ZNF727: variants seen among roughly 807,000 people sequenced by gnomAD.
ZNF727 encodes putative zinc finger protein 727.
In ZNF727, 11 loss-of-function variants were observed where a neutral mutation model predicts 11.5. The observed-to-expected ratio is 0.95, with a 90% confidence interval of 0.60 to 1.58. The LOEUF (loss-of-function observed/expected upper bound fraction) is 1.58, where lower values mean the gene tolerates loss of function less well. Ranked by LOEUF, ZNF727 falls within the 40% of genes most tolerant of loss-of-function variation. ZNF727 has a pLI of 0.00. For missense variants in ZNF727, 533 were observed against 581.7 expected (o/e 0.92, Z 0.86); for synonymous variants, 171 against 196.1 (o/e 0.87, Z 1.07).
intron 1 of ZNF727, among the ~76,000 whole-genome samples, chr7:64,063,484 T>C (rs1262956341): frequency 6.6e-6 from 1 of 151,744 alleles, no homozygotes; most frequent in Non-Finnish European, 1.5e-5. Flanking sequence ...ATGGAATCTC[T>C]CTCTCTCTGC....
intron 1 of ZNF727, among the ~76,000 whole-genome samples, chr7:64,048,200 A>G (rs1212773560): frequency 6.6e-6 from 1 of 152,262 alleles, no homozygotes; most frequent in Non-Finnish European, 1.5e-5. Context: ...AAAAAAAACC[A>G]CAAATGTTTT....
At chr7:64,056,928 G>A (rs1789694273) in intron 1 of ZNF727, among the ~76,000 whole-genome samples, 1 of 151,898 alleles carries the variant, frequency 6.6e-6, no homozygotes, top group Non-Finnish European at 1.5e-5. Context: ...TGTTGTATGT[G>A]TTTGTATAAA....
intron 1 of ZNF727, among the ~76,000 whole-genome samples, chr7:64,068,060 A>G (rs554482930): frequency 3.9e-5 from 6 of 152,116 alleles, no homozygotes; most frequent in Non-Finnish European, 7.4e-5. Flanking sequence ...GTTAATGTTA[A>G]TCATAGCACA....
Position 64,080,082 on chromosome 7 carries a change from A to G in ZNF727, c.*1533A>G, listed in dbSNP as rs1346988815. On this transcript the variant is annotated 3_prime_UTR_variant, in exon 4 of 4. Transcript: ENST00000456806. Reference sequence around the variant, plus strand: ...GTCTTTCTCTCTAGCTGCCTTTAACATATTTTTTTCTCTCATTTTGACCTT... The same window carrying G: ...GTCTTTCTCTCTAGCTGCCTTTAACGTATTTTTTTCTCTCATTTTGACCTT... Among the ~76,000 whole-genome samples the G allele has an allele frequency of 6.6e-6, 1 of 151,752 alleles. No homozygotes were observed. Among genetic ancestry groups the G allele is most frequent in the Non-Finnish European group, 1.5e-5 (1 of 67,968 alleles).
At chr7:64,060,086 G>C (rs977156797) in intron 1 of ZNF727, among the ~76,000 whole-genome samples, 15 of 152,210 alleles carry the variant, frequency 9.9e-5, no homozygotes, top group African/African-American at 3.6e-4. Context: ...CCAATATATA[G>C]ATAGGCTTCT....
chr7:64,047,747 G>A (rs1292860528), intron 1 of ZNF727, among the ~76,000 whole-genome samples: 2 of 82,374 alleles, frequency 2.4e-5, no homozygotes, highest in Admixed American at 2.9e-4. Context: ...TTAACATTAA[G>A]ATTTTTTTCC....
chr7:64,074,758 G>A (rs1790015337), intron 3 of ZNF727, among the ~76,000 whole-genome samples: 1 of 152,110 alleles, frequency 6.6e-6, no homozygotes, highest in African/African-American at 2.4e-5. Context: ...TTTAAATGCT[G>A]TATGAGAAAT....
rs772221674 is a variant in ZNF727 at position 64,083,567 on chromosome 7, GTGGC to G, written c.*5021_*5024del. On this transcript the variant is annotated 3_prime_UTR_variant, in exon 4 of 4. Transcript: ENST00000456806. ...CTCTTGAATCTCTGCACAGGCCTCAGTGGCTGCTCTGCTGAGACTCCACATAGCT... is the reference window on the plus strand; with the variant it reads ...CTCTTGAATCTCTGCACAGGCCTCAGTGCTCTGCTGAGACTCCACATAGCT... Among the ~76,000 whole-genome samples, 5 of 152,232 alleles carry G rather than the reference GTGGC, an allele frequency of 3.3e-5. No homozygotes were observed. Among genetic ancestry groups the G allele is most frequent in the African/African-American group, 4.8e-5 (2 of 41,460 alleles).
intron 3 of ZNF727, among the ~76,000 whole-genome samples, chr7:64,072,862 A>G (rs756558702): frequency 6.6e-6 from 1 of 152,002 alleles, no homozygotes; most frequent in Non-Finnish European, 1.5e-5. Flanking sequence ...GAAAAACAAA[A>G]TTATGATAAA....
intron 1 of ZNF727, among the ~76,000 whole-genome samples, chr7:64,063,856 A>C (rs1584148096): frequency 6.6e-6 from 1 of 151,404 alleles, no homozygotes; most frequent in Non-Finnish European, 1.5e-5. Flanking sequence ...TATCCTTCCT[A>C]CTCTTTTCTC....
intron 1 of ZNF727, among the ~76,000 whole-genome samples, chr7:64,054,715 G>T (rs572148583): frequency 6.6e-6 from 1 of 152,256 alleles, no homozygotes; most frequent in South Asian, 2.1e-4. Flanking sequence ...ACTGAATATT[G>T]TGGAATTTTT....
intron 1 of ZNF727, among the ~76,000 whole-genome samples, chr7:64,065,097 G>A (rs1339956167): frequency 6.6e-6 from 1 of 152,088 alleles, no homozygotes; most frequent in Non-Finnish European, 1.5e-5. Flanking sequence ...ATGGTTGCTG[G>A]AGGGTGCTAT....
chr7:64,070,366 C>G (rs1305777934), intron 3 of ZNF727, among the ~76,000 whole-genome samples: 1 of 151,898 alleles, frequency 6.6e-6, no homozygotes, highest in Non-Finnish European at 1.5e-5. Flanking sequence ...AACTCCCAAT[C>G]TTTATTTTAA....
At chr7:64,059,893 A>C (rs548349905) in intron 1 of ZNF727, among the ~76,000 whole-genome samples, 1 of 152,318 alleles carries the variant, frequency 6.6e-6, no homozygotes, top group East Asian at 1.9e-4. Flanking sequence ...AAATAGGTAA[A>C]TAGGACTTTG....
rs71057374 is a variant in ZNF727, at chr7:64,062,685, A to AATATATATATATAT, written c.4-6201_4-6188dup. Among the ~76,000 whole-genome samples the AATATATATATATAT allele has an allele frequency of 6.9e-4, 62 of 90,000 alleles. 7 individuals are homozygous for AATATATATATATAT. The highest frequency in any genetic ancestry group is 8.1e-4 in the Non-Finnish European group (33 of 40,816). 59.0% of individuals were successfully genotyped at this position (90,000 alleles called of 152,430 possible). A position where few individuals can be genotyped will look rare whatever the true frequency, so the allele number is the denominator to read the frequency against. ...GCATTCTATAACCTTCTTGTACTTG[A>AATATATATATATAT]ATATATATATATATATATGAAGTTC... is the stretch of plus-strand genomic sequence containing the variant. On this transcript the variant is annotated intron_variant, in intron 1 of 3. Transcript: ENST00000456806.
chr7:64,070,727 A>G (rs914693612), intron 3 of ZNF727, among the ~76,000 whole-genome samples: 5 of 151,986 alleles, frequency 3.3e-5, no homozygotes, highest in African/African-American at 1.2e-4. Flanking sequence ...GGTTACCATA[A>G]CTTATGTCTT....
At chr7:64,070,862 A>C (rs536666579) in intron 3 of ZNF727, among the ~76,000 whole-genome samples, 2 of 152,164 alleles carry the variant, frequency 1.3e-5, no homozygotes, top group East Asian at 3.9e-4. Context: ...TAGAGGTGAG[A>C]TCATACAGTA....
chr7:64,063,750 G>A (rs1360983081), intron 1 of ZNF727, among the ~76,000 whole-genome samples: 1 of 152,034 alleles, frequency 6.6e-6, no homozygotes, highest in Non-Finnish European at 1.5e-5. Context: ...GTAGCAAAAT[G>A]CAATTTGGTA....
intron 1 of ZNF727, among the ~76,000 whole-genome samples, chr7:64,052,378 CTTTTTTTTTTT>C (rs56215284): frequency 7.7e-6 from 1 of 130,404 alleles, no homozygotes; most frequent in South Asian, 2.4e-4. Context: ...ATTTCTCTCT[CTTTTTTTTTTT>C]TTTTTTTTTT....
Sources: gnomAD v4.1 joint callset for allele counts (sites outside exome capture counted in the v4.1 genomes callset) on GRCh38, gnomAD v4.1.1 for gene constraint, MANE v1.5 for transcripts, NCBI Gene and HGNC (gene_info 2026-07-23, HGNC 2026-07-21) for gene names.